The following KLHL8 variants were observed in gnomAD, a reference collection of about 807,000 sequenced individuals.
KLHL8 encodes the protein kelch like family member 8, also known as kelch-like protein 8.
KLHL8 carries 38 observed loss-of-function variants against 63.5 expected under a neutral mutation model. The ratio of observed to expected loss-of-function variants is 0.60; its 90% CI spans 0.46 to 0.78. The LOEUF is 0.78. Among genes scored for constraint, KLHL8 ranks in the 30% least tolerant of loss-of-function variants. KLHL8 has a pLI of 0.00. For synonymous variants in KLHL8, 224 were observed against 254.3 expected, an observed-to-expected ratio of 0.88 and a Z score of 1.13; for missense variants, 566 against 752.4, an observed-to-expected ratio of 0.75 and a Z score of 2.90.
chr4:87,236,821 A>G (rs1448884595), intron 1 of KLHL8, among the ~76,000 whole-genome samples: 2 of 150,534 alleles, frequency 1.3e-5, no homozygotes, highest in African/African-American at 4.9e-5. Flanking sequence ...TGCACCACCA[A>G]GCCCGGCTAA....
In KLHL8 at chr4:87,178,632, G is replaced by A; in HGVS notation, c.953-12C>T. 1 of 1,520,598 alleles carries A rather than the reference G, an allele frequency of 6.6e-7. No homozygotes were observed. Among genetic ancestry groups the A allele is most frequent in the South Asian group, 1.3e-5 (1 of 76,220 alleles). 94.2% of individuals were successfully genotyped at this position (1,520,598 alleles called of 1,614,324 possible). ...ACAAAACAGCACACCTAAAGGTAAAGCCACAAAATAGAGATAAATCATAGC... is the reference window on the plus strand; with the variant it reads ...ACAAAACAGCACACCTAAAGGTAAAACCACAAAATAGAGATAAATCATAGC... On this transcript the variant is annotated splice_polypyrimidine_tract_variant and intron_variant, in intron 4 of 9. Coordinates refer to ENST00000273963, the MANE Select transcript of KLHL8 (RefSeq NM_020803.5).
At chr4:87,222,316 T>A (rs1353995059), upstream of KLHL8, among the ~76,000 whole-genome samples, 5 of 152,286 alleles carry the variant, frequency 3.3e-5, no homozygotes, top group African/African-American at 1.2e-4. Flanking sequence ...TCCTTTACTA[T>A]ACCTTAAGTT....
At chr4:87,196,471 A>T (rs1731705448) in intron 1 of KLHL8, among the ~76,000 whole-genome samples, 1 of 152,176 alleles carries the variant, frequency 6.6e-6, no homozygotes, top group East Asian at 1.9e-4. Context: ...TATGAGCTTG[A>T]GCAAATGACA....
chr4:87,207,037 TTTGACACACAGCTGCATCTTC>T (rs1483317070), intron 1 of KLHL8: 3 of 361,308 alleles, frequency 8.3e-6, no homozygotes, highest in African/African-American at 6.4e-5. Flanking sequence ...GCTCCTCCCA[TTTGACACACAGCTGCATCTTC>T]TCATGCATTG....
At position 87,195,489 on chromosome 4, in the gene KLHL8, C is replaced by T. The variant is rs200817523; in HGVS notation, c.51G>A (p.Lys17=). Residue 17 remains lysine, a synonymous_variant, in exon 2 of 10, where the codon AAG becomes AAA. Coordinates refer to ENST00000273963, the MANE Select transcript of KLHL8 (RefSeq NM_020803.5). The part of the protein sequence containing the change: ...SSKQARNHIT[K]GKRQQQHQQI... The stretch of plus-strand genomic sequence containing the variant: ...GCTGGTGCTGTTGTTGCCTTTTCCC[C>T]TTTGTAATGTGATTCCTAGCTTGTT... 1.0e-4 allele frequency: 169 copies of T among 1,613,692 alleles called. No individual in the cohort carries two copies. Among genetic ancestry groups the T allele is most frequent in the Non-Finnish European group, 1.3e-4 (155 of 1,179,942 alleles).
At chr4:87,214,655 T>C (rs969288564) in intron 1 of KLHL8, among the ~76,000 whole-genome samples, 1 of 151,870 alleles carries the variant, frequency 6.6e-6, no homozygotes, top group Non-Finnish European at 1.5e-5. Flanking sequence ...AAGCCCAAGC[T>C]CTTATCACTA....
intron 1 of KLHL8, among the ~76,000 whole-genome samples, chr4:87,199,027 T>G (rs1209839716): frequency 6.6e-6 from 1 of 152,172 alleles, no homozygotes; most frequent in African/African-American, 2.4e-5. Flanking sequence ...AGTAAAGACT[T>G]TTTTAAAAAG....
At chr4:87,209,998 C>T (rs564834030) in intron 1 of KLHL8, among the ~76,000 whole-genome samples, 74 of 152,120 alleles carry the variant, frequency 4.9e-4, no homozygotes, top group Middle Eastern at 3.4e-3. Context: ...GGACTACATA[C>T]AGGCACACAC....
intron 1 of KLHL8, among the ~76,000 whole-genome samples, chr4:87,204,505 T>G (rs1732041384): frequency 1.3e-5 from 2 of 152,246 alleles, no homozygotes; most frequent in African/African-American, 4.8e-5. Context: ...CACAAAAACT[T>G]GCATATGAAA....
At chr4:87,223,153 T>TGTTTC (rs1732915840), upstream of KLHL8, among the ~76,000 whole-genome samples, 1 of 151,416 alleles carries the variant, frequency 6.6e-6, no homozygotes, top group Non-Finnish European at 1.5e-5. Context: ...TGTTTTGTTT[T>TGTTTC]GTAGAGATGG....
chr4:87,235,767 C>T (rs1301432487), intron 1 of KLHL8, among the ~76,000 whole-genome samples: 1 of 152,102 alleles, frequency 6.6e-6, no homozygotes, highest in African/African-American at 2.4e-5. Context: ...ATCTCTCAAA[C>T]CCTATCAGCT....
chr4:87,207,707 C>A (rs1732197284), intron 1 of KLHL8: 2 of 900,960 alleles, frequency 2.2e-6, no homozygotes, highest in Non-Finnish European at 3.7e-6. Context: ...AACATCATCC[C>A]TGCCTCTACT....
rs72870243 is a variant in KLHL8 at position 87,234,700 on chromosome 4, A to G, written n.57+5558T>C. ...GCTATTTTAGAGTATACTCCTACTT[A>G]TTTCAAAAAAAGTTAACCATAAAAC... On this transcript the variant is annotated intron_variant and non_coding_transcript_variant, in intron 1 of 1. Transcript: ENST00000506274. Among the ~76,000 whole-genome samples, 619 of 152,246 alleles carry G rather than the reference A, an allele frequency of 4.1e-3. 4 individuals are homozygous for G. The highest frequency in any genetic ancestry group is 0.014 in the African/African-American group (578 of 41,534).
rs190987338 is a variant in KLHL8 at position 87,235,933 on chromosome 4, G to C, written n.57+4325C>G. 1.1e-4 allele frequency among the ~76,000 whole-genome samples: 16 copies of C among 152,206 alleles called. No homozygotes were observed. The East Asian group carries it at 2.9e-3, about 28-fold the overall frequency. ...TGCGGGGGAAGGGGGAATCGAAGGC[G>C]CCATTGGAAACGTTGTAAAATGCTT... On this transcript the variant is annotated intron_variant and non_coding_transcript_variant, in intron 1 of 1. Coordinates refer to the KLHL8 transcript ENST00000506274.
At chr4:87,164,187 G>T in intron 8 of KLHL8, 108 bp from the exon 9 acceptor site, 5 of 1,038,626 alleles carry the variant, frequency 4.8e-6, no homozygotes, top group Non-Finnish European at 6.9e-6. Flanking sequence ...ATTTTAGAAT[G>T]GTTTAGAGAA....
At chr4:87,166,294 T>C (rs957529509) in intron 8 of KLHL8, among the ~76,000 whole-genome samples, 7 of 152,350 alleles carry the variant, frequency 4.6e-5, no homozygotes, top group Admixed American at 3.9e-4. Context: ...TTCTGCTACT[T>C]ATAAGAGAAT....
At chr4:87,208,253 T>TC (rs1419336494) in intron 1 of KLHL8, among the ~76,000 whole-genome samples, 9 of 152,104 alleles carry the variant, frequency 5.9e-5, no homozygotes, top group Non-Finnish European at 1.2e-4. Context: ...AGCCCCACCT[T>TC]GTCATGTACC....
chr4:87,238,248 C>T (rs1384629372), intron 1 of KLHL8, among the ~76,000 whole-genome samples: 1 of 152,146 alleles, frequency 6.6e-6, no homozygotes. Context: ...TCTTATATTC[C>T]ATGCATTTCT....
chr4:87,170,453 A>T lies in KLHL8; in HGVS notation c.1371T>A (p.Ala457=). 4 of 1,598,738 alleles carry T rather than the reference A, an allele frequency of 2.5e-6. No homozygotes were observed. The highest frequency in any genetic ancestry group is 3.4e-6 in the Non-Finnish European group (4 of 1,175,844). ...NTPRGGVGSV[A]LVNHVYAVGG... ...AAGTTGCCATATAACTTACTACTAG[A>T]GCAACAGAGCCAACTCCTCCACGGG... Residue 457 remains alanine, a synonymous_variant, in exon 7 of 10, where the codon GCT becomes GCA. Coordinates refer to ENST00000273963, the MANE Select transcript of KLHL8 (RefSeq NM_020803.5).
Sources: allele counts gnomAD v4.1 joint callset (sites outside exome capture counted in the v4.1 genomes callset), GRCh38; gene constraint gnomAD v4.1.1; transcripts MANE v1.5; gene names NCBI Gene and HGNC (gene_info 2026-07-23, HGNC 2026-07-21).